FSTL4: variants seen among roughly 807,000 people sequenced by gnomAD.
The protein encoded by FSTL4 is follistatin-related protein 4.
FSTL4 carries 28 observed loss-of-function variants against 78.2 expected under a neutral mutation model. That is an observed-to-expected ratio of 0.36 (90% CI 0.27 to 0.49). FSTL4 has a LOEUF of 0.49. Ranked by LOEUF, FSTL4 falls within the 20% of genes least tolerant of loss-of-function variation. The pLI is 0.98. For synonymous variants in FSTL4, 422 were observed against 440.5 expected (o/e 0.96, Z 0.53); for missense variants, 922 against 1,084.9 (o/e 0.85, Z 2.11).
chr5:133,488,258 G>A (rs1198670447), intron 3 of FSTL4, among the ~76,000 whole-genome samples: 2 of 149,620 alleles, frequency 1.3e-5, no homozygotes, highest in African/African-American at 2.4e-5. Flanking sequence ...TCTTTGCGAC[G>A]AGCTCTCTTT....
At chr5:133,826,475 C>A in the FSTL4 span, among the ~76,000 whole-genome samples, 2 of 152,210 alleles carry the variant, frequency 1.3e-5, no homozygotes, top group Non-Finnish European at 2.9e-5. Flanking sequence ...GGAGAAGCTG[C>A]CTTTGCCTCT....
At chr5:133,743,166 G>T in the FSTL4 span, among the ~76,000 whole-genome samples, 1 of 152,116 alleles carries the variant, frequency 6.6e-6, no homozygotes, top group Non-Finnish European at 1.5e-5. Flanking sequence ...TTGAAGGTGG[G>T]AAAGACCTGA....
At chr5:133,501,512 A>AT (rs887000876) in intron 3 of FSTL4, among the ~76,000 whole-genome samples, 1 of 152,170 alleles carries the variant, frequency 6.6e-6, no homozygotes, top group Non-Finnish European at 1.5e-5. Flanking sequence ...AGGAACAGGT[A>AT]TAAACTGAGG....
chr5:133,330,048 A>G (rs757027888), intron 4 of FSTL4, among the ~76,000 whole-genome samples: 1 of 152,178 alleles, frequency 6.6e-6, no homozygotes, highest in Non-Finnish European at 1.5e-5. Context: ...CAACACTTGA[A>G]TATTCAAGTT....
chr5:133,499,680 T>C (rs973650993), intron 3 of FSTL4, among the ~76,000 whole-genome samples: 1 of 152,188 alleles, frequency 6.6e-6, no homozygotes, highest in Non-Finnish European at 1.5e-5. Flanking sequence ...CTCAACTGAT[T>C]AATCCTGTGC....
the FSTL4 span, among the ~76,000 whole-genome samples, chr5:133,735,313 A>C: frequency 6.6e-6 from 1 of 152,156 alleles, no homozygotes; most frequent in African/African-American, 2.4e-5. Context: ...AAATACAAAA[A>C]TTAGCTGGGC....
At chr5:133,419,783 C>T (rs250851) in intron 3 of FSTL4, among the ~76,000 whole-genome samples, 50,348 of 152,110 alleles carry the variant, frequency 0.33, 8,918 homozygotes, top group Middle Eastern at 0.45. Context: ...AACTTTCAAC[C>T]TGTTTAAATT....
At chr5:133,430,250 A>C (rs1214194716) in intron 3 of FSTL4, among the ~76,000 whole-genome samples, 1 of 152,212 alleles carries the variant, frequency 6.6e-6, no homozygotes, top group Non-Finnish European at 1.5e-5. Flanking sequence ...CCTGCTGTTC[A>C]TGTGTACCTG....
chr5:133,500,945 T>C (rs1459961518), intron 3 of FSTL4, among the ~76,000 whole-genome samples: 2 of 137,366 alleles, frequency 1.5e-5, no homozygotes, highest in East Asian at 3.9e-4. Context: ...GTTTGCTTCA[T>C]GAAAAAAAAA....
intron 3 of FSTL4, among the ~76,000 whole-genome samples, chr5:133,445,251 G>A (rs1757238715): frequency 6.6e-6 from 1 of 152,248 alleles, no homozygotes; most frequent in Non-Finnish European, 1.5e-5. Context: ...TTACTGGTGA[G>A]GGTCCATCTA....
chr5:133,409,847 A>G (rs184413314), intron 3 of FSTL4, among the ~76,000 whole-genome samples: 14 of 152,232 alleles, frequency 9.2e-5, no homozygotes, highest in Non-Finnish European at 1.9e-4. Flanking sequence ...GACTGTAGAA[A>G]GCCCTCGGTG....
intron 4 of FSTL4, among the ~76,000 whole-genome samples, chr5:133,335,683 G>T (rs944144111): frequency 1.3e-5 from 2 of 151,382 alleles, no homozygotes; most frequent in Admixed American, 1.3e-4. Context: ...CCCTTTCTTG[G>T]GGGGGGTGGC....
At chr5:133,220,696 T>C (rs1751065480) in intron 12 of FSTL4, 52 bp downstream of exon 12, 1 of 910,128 alleles carries the variant, frequency 1.1e-6, no homozygotes, top group Admixed American at 1.7e-5. Flanking sequence ...GATAGACTTT[T>C]AGGATTTTGC....
the FSTL4 span, among the ~76,000 whole-genome samples, chr5:133,785,433 C>T: frequency 1.3e-5 from 2 of 152,176 alleles, no homozygotes; most frequent in Non-Finnish European, 2.9e-5. Context: ...CAGGGAACCT[C>T]TACATGCCCA....
chr5:133,357,276 G>GCCCTA (rs1754962226), intron 4 of FSTL4, among the ~76,000 whole-genome samples: 1 of 152,110 alleles, frequency 6.6e-6, no homozygotes, highest in African/African-American at 2.4e-5. Flanking sequence ...GCCCTGCCCT[G>GCCCTA]CCCCTAGGAG....
intron 4 of FSTL4, among the ~76,000 whole-genome samples, chr5:133,395,913 CTG>C (rs1756029912): frequency 6.6e-6 from 1 of 152,180 alleles, no homozygotes; most frequent in Admixed American, 6.5e-5. Context: ...TTTGTCCAGA[CTG>C]GGGATCAGAG....
chr5:133,264,324 C>A (rs1283831256), intron 6 of FSTL4, among the ~76,000 whole-genome samples: 1 of 152,086 alleles, frequency 6.6e-6, no homozygotes, highest in East Asian at 1.9e-4. Flanking sequence ...CCACCCACTG[C>A]CCTGCCCGAG....
At chr5:133,771,639 A>C in the FSTL4 span, among the ~76,000 whole-genome samples, 1 of 151,130 alleles carries the variant, frequency 6.6e-6, no homozygotes, top group Non-Finnish European at 1.5e-5. Flanking sequence ...TTTTTTGTGG[A>C]GTCTTTAGGG....
chr5:133,830,590 C>A, the FSTL4 span, among the ~76,000 whole-genome samples: 14 of 152,192 alleles, frequency 9.2e-5, no homozygotes, highest in Admixed American at 9.2e-4. Context: ...GGCACAGAGA[C>A]CATCGGGACA....
Sources: gnomAD v4.1 joint callset for allele counts (sites outside exome capture counted in the v4.1 genomes callset) on GRCh38, gnomAD v4.1.1 for gene constraint, MANE v1.5 for transcripts, NCBI Gene and HGNC (gene_info 2026-07-23, HGNC 2026-07-21) for gene names.